Variants in ITCH observed in about 807,000 individuals in gnomAD.
ITCH encodes itchy E3 ubiquitin protein ligase, also known as E3 ubiquitin-protein ligase Itchy homolog.
A neutral mutation model predicts 126.8 loss-of-function variants in ITCH; 28 were observed. The observed-to-expected ratio is 0.22, with a 90% CI of 0.16 to 0.30. The LOEUF is 0.30. ITCH is among the 10% of genes least tolerant of loss of function. The pLI, the probability that ITCH is intolerant of heterozygous loss-of-function variation, is 1.00. For synonymous variants in ITCH, 342 were observed against 340.0 expected (o/e 1.01, Z -0.06); for missense variants, 631 against 1,032.4 (o/e 0.61, Z 5.33).
intron 20 of ITCH, among the ~76,000 whole-genome samples, chr20:34,482,293 T>C (rs553511883): frequency 6.6e-6 from 1 of 152,216 alleles, no homozygotes; most frequent in Non-Finnish European, 1.5e-5. Flanking sequence ...CTTAACTTAT[T>C]TCAGCATTAA....
chr20:34,397,972 A>T (rs2146092656), intron 3 of ITCH, among the ~76,000 whole-genome samples: 1 of 151,780 alleles, frequency 6.6e-6, no homozygotes, highest in South Asian at 2.1e-4. Flanking sequence ...AAAGTGTCTT[A>T]CTTGCTATCA....
intron 2 of ITCH, among the ~76,000 whole-genome samples, chr20:34,387,983 G>T (rs948659574): frequency 1.1e-4 from 17 of 152,090 alleles, no homozygotes; most frequent in African/African-American, 4.1e-4. Context: ...GATTACAGGC[G>T]TGAGCCACAG....
rs1424814337 is a variant in ITCH, at chr20:34,363,327, A to T, written c.-121A>T. 1 of 152,426 alleles carries T rather than the reference A, an allele frequency of 6.6e-6. No homozygotes were observed. The highest frequency in any genetic ancestry group is 1.5e-5 in the Non-Finnish European group (1 of 68,046). The allele number at this position is 152,426 out of a possible 1,614,324, so 9.4% of individuals were successfully genotyped here. On this transcript the variant is annotated 5_prime_UTR_variant, in exon 1 of 25. Coordinates refer to ENST00000374864, the MANE Select transcript of ITCH (RefSeq NM_031483.7). ...TGCCATCTTAGTCTAGGGACTGAGGAGTCGCCGCCGCCCCGAGTCCCGGTA... is the reference window on the plus strand; with the variant it reads ...TGCCATCTTAGTCTAGGGACTGAGGTGTCGCCGCCGCCCCGAGTCCCGGTA...
At chr20:34,433,221 C>T (rs1006591170) in intron 7 of ITCH, among the ~76,000 whole-genome samples, 16 of 151,716 alleles carry the variant, frequency 1.1e-4, no homozygotes, top group African/African-American at 3.6e-4. Context: ...ACCCGGGAGG[C>T]GGAGGTTGCA....
intron 6 of ITCH, among the ~76,000 whole-genome samples, chr20:34,418,792 G>A (rs1980338928): frequency 3.4e-5 from 2 of 58,186 alleles, no homozygotes; most frequent in African/African-American, 7.7e-5. Flanking sequence ...ACGGGGTTTC[G>A]CTCTTATTGC....
chr20:34,422,818 G>T (rs975127758), intron 6 of ITCH, among the ~76,000 whole-genome samples: 3 of 150,622 alleles, frequency 2.0e-5, no homozygotes, highest in Non-Finnish European at 4.4e-5. Context: ...TTTTTGAGAC[G>T]GAGTTTCACT....
Position 34,440,140 on chromosome 20 carries a change from C to A in ITCH, c.680-15C>A. ...ATGAAAGATTCTTTTCCTATTTTCC[C>A]CAAATCTTTTATAGCATCTGTCAAT... On this transcript the variant is annotated splice_polypyrimidine_tract_variant and intron_variant, in intron 8 of 24. Transcript: ENST00000374864. 1 of 1,589,478 alleles carries A rather than the reference C, an allele frequency of 6.3e-7. No homozygotes were observed. The highest frequency in any genetic ancestry group is 8.6e-7 in the Non-Finnish European group (1 of 1,157,956).
intron 12 of ITCH, among the ~76,000 whole-genome samples, chr20:34,452,827 G>A (rs1400167253): frequency 6.6e-6 from 1 of 152,138 alleles, no homozygotes; most frequent in East Asian, 1.9e-4. Context: ...TTTGTGCCAC[G>A]ATGCCTAGCT....
chr20:34,476,370 G>T (rs573567062), intron 16 of ITCH: 3 of 1,324,858 alleles, frequency 2.3e-6, no homozygotes, highest in Non-Finnish European at 2.9e-6. Context: ...TCAGCAGGCC[G>T]CTGGCTCCAG....
rs191576540 is a variant in ITCH, at chr20:34,434,216, G to A, written c.522-4258G>A. Among the ~76,000 whole-genome samples, 264 of 151,864 alleles carry A rather than the reference G, an allele frequency of 1.7e-3. 1 individual carries two copies. Among genetic ancestry groups the A allele is most frequent in the Non-Finnish European group, 2.8e-3 (190 of 67,982 alleles). ...CATATGAGCCTGGGAGGTGAGGCGGGAGGATCATGTGAGTCTGGGAGGCTG... is the reference window on the plus strand; with the variant it reads ...CATATGAGCCTGGGAGGTGAGGCGGAAGGATCATGTGAGTCTGGGAGGCTG... On this transcript the variant is annotated intron_variant, in intron 7 of 24. Transcript: ENST00000374864.
chr20:34,416,932 G>A (rs1979947278), intron 6 of ITCH, among the ~76,000 whole-genome samples: 1 of 136,308 alleles, frequency 7.3e-6, no homozygotes, highest in Admixed American at 8.0e-5. Flanking sequence ...TTTTTGAGAC[G>A]GAGTCTTGCT....
At chr20:34,409,756 T>G (rs1224247001) in intron 4 of ITCH, among the ~76,000 whole-genome samples, 1 of 152,102 alleles carries the variant, frequency 6.6e-6, no homozygotes, top group Non-Finnish European at 1.5e-5. Context: ...GTAGTGTAGA[T>G]TCATAGAAGT....
chr20:34,492,681 C>T (rs906410051), intron 23 of ITCH, 84 bp downstream of exon 23: 3 of 875,380 alleles, frequency 3.4e-6, no homozygotes, highest in Admixed American at 3.4e-5. Flanking sequence ...CTATTAGAAA[C>T]AACAAAGACA....
intron 12 of ITCH, among the ~76,000 whole-genome samples, chr20:34,455,078 C>T (rs973684785): frequency 1.7e-4 from 26 of 152,094 alleles, no homozygotes; most frequent in African/African-American, 5.8e-4. Context: ...CATCCGCCTG[C>T]CTTATAACTC....
rs150677071 is a variant in ITCH at position 34,466,289 on chromosome 20, T to G, written c.1425-3759T>G. ...TCCTACTTAGTCAAAAGGATTAAAG[T>G]GTGCTTTTAATATGCTGCTGAGATT... On this transcript the variant is annotated intron_variant, in intron 14 of 24. Coordinates refer to ENST00000374864, the MANE Select transcript of ITCH (RefSeq NM_031483.7). 2.6e-4 allele frequency: 124 copies of G among 483,050 alleles called. 7 individuals carry two copies. In the East Asian group the frequency reaches 7.0e-3, roughly 27 times the overall value. 29.9% of individuals were successfully genotyped at this position (483,050 alleles called of 1,614,324 possible). A position where few individuals can be genotyped will look rare whatever the true frequency, so the allele number is the denominator to read the frequency against.
intron 14 of ITCH, among the ~76,000 whole-genome samples, chr20:34,464,484 G>A (rs1986856692): frequency 6.6e-6 from 1 of 151,616 alleles, no homozygotes; most frequent in African/African-American, 2.4e-5. Flanking sequence ...GCACCACCAC[G>A]CTGAGCTAAT....
intron 16 of ITCH, among the ~76,000 whole-genome samples, chr20:34,474,655 G>A (rs1478099250): frequency 1.3e-5 from 2 of 152,200 alleles, no homozygotes; most frequent in African/African-American, 4.8e-5. Context: ...TGTCATCATG[G>A]CCCGTTCTCA....
At chr20:34,428,320 C>T (rs529282741) in intron 7 of ITCH, among the ~76,000 whole-genome samples, 13 of 152,284 alleles carry the variant, frequency 8.5e-5, no homozygotes, top group South Asian at 2.1e-4. Flanking sequence ...ACAGGTGCTT[C>T]GCATCCTTCC....
intron 16 of ITCH, 61 bp from the exon 17 acceptor site, chr20:34,477,711 A>G: frequency 6.8e-7 from 1 of 1,479,216 alleles, no homozygotes; most frequent in Non-Finnish European, 9.4e-7. Context: ...TCAAACCTAG[A>G]AGTGGTAGAC....
Sources: allele counts gnomAD v4.1 joint callset (sites outside exome capture counted in the v4.1 genomes callset), GRCh38; gene constraint gnomAD v4.1.1; transcripts MANE v1.5; gene names NCBI Gene and HGNC (gene_info 2026-07-23, HGNC 2026-07-21).